The following LAMA2 variants were observed in gnomAD, a reference collection of about 807,000 sequenced individuals.
The protein encoded by LAMA2 is laminin subunit alpha 2, also known as laminin subunit alpha-2.
LAMA2 carries 269 observed loss-of-function variants against 364.8 expected under a neutral mutation model. The observed-to-expected ratio is 0.74, with a 90% CI of 0.67 to 0.82. The LOEUF is 0.82. Among genes scored for constraint, LAMA2 ranks in the 40% least tolerant of loss-of-function variants. The pLI, the probability that LAMA2 is intolerant of heterozygous loss-of-function variation, is 0.00. For missense variants in LAMA2, 3,807 were observed against 3,873.2 expected, an observed-to-expected ratio of 0.98 and a Z score of 0.45; for synonymous variants, 1,379 against 1,370.6, an observed-to-expected ratio of 1.01 and a Z score of -0.14.
intron 10 of LAMA2, among the ~76,000 whole-genome samples, chr6:129,184,891 T>C (rs1781140240): frequency 6.6e-6 from 1 of 151,984 alleles, no homozygotes; most frequent in Non-Finnish European, 1.5e-5. Context: ...GTTTATGTAT[T>C]TCCTTCTCCC....
chr6:129,365,585 A>G (rs1228070685), intron 32 of LAMA2, among the ~76,000 whole-genome samples: 1 of 148,788 alleles, frequency 6.7e-6, no homozygotes, highest in East Asian at 2.0e-4. Context: ...CTGGTCTTGA[A>G]CTCCTGACCT....
chr6:129,188,895 G>T (rs1020323389), intron 10 of LAMA2, among the ~76,000 whole-genome samples: 1 of 151,780 alleles, frequency 6.6e-6, no homozygotes, highest in African/African-American at 2.4e-5. Context: ...TATGTTCTCA[G>T]ATTTTATCAT....
chr6:129,455,394 G>T (rs11154481), intron 47 of LAMA2, among the ~76,000 whole-genome samples: 65,731 of 151,622 alleles, frequency 0.43, 14,318 homozygotes, highest in South Asian at 0.46. Context: ...ACTTAACCGG[G>T]TTTAAGGACA....
rs1026795409 is a variant in LAMA2 at position 129,214,397 on chromosome 6, A to T, written c.1782+21544A>T. ...GTATTAATTCCTTTTTAAAAACCTA[A>T]TCACCTCTCCAAGGCACCACCTCTC... On this transcript the variant is annotated intron_variant, in intron 12 of 64. Coordinates refer to ENST00000421865, the MANE Select transcript of LAMA2 (RefSeq NM_000426.4). 2.6e-5 allele frequency among the ~76,000 whole-genome samples: 4 copies of T among 152,184 alleles called. No individual in the cohort carries two copies. The South Asian group carries it at 8.3e-4, about 32-fold the overall frequency.
At chr6:129,176,963 T>TC (rs1780632526) in intron 9 of LAMA2, among the ~76,000 whole-genome samples, 1 of 152,120 alleles carries the variant, frequency 6.6e-6, no homozygotes, top group African/African-American at 2.4e-5. Context: ...TGCCTTTTTT[T>TC]CCCTCCTCCT....
chr6:129,337,563 A>C lies in LAMA2; in HGVS notation c.4312-4780A>C, dbSNP rs564566816. Among the ~76,000 whole-genome samples, 4 of 152,268 alleles carry C rather than the reference A, an allele frequency of 2.6e-5. 1 individual carries two copies. In the South Asian group the frequency reaches 8.3e-4, roughly 32 times the overall value. On this transcript the variant is annotated intron_variant, in intron 29 of 64. Transcript: ENST00000421865. Reference sequence around the variant, plus strand: ...TATGCAAGACGAAAAAAGCTGTCTTATAAGAATTCATGCATTTAATGATAT... The same window carrying C: ...TATGCAAGACGAAAAAAGCTGTCTTCTAAGAATTCATGCATTTAATGATAT...
chr6:129,346,486 A>G (rs1562480692), intron 30 of LAMA2, among the ~76,000 whole-genome samples: 2 of 152,094 alleles, frequency 1.3e-5, no homozygotes, highest in South Asian at 4.1e-4. Context: ...CAGGAGATGA[A>G]CATTTACTAA....
At chr6:128,934,041 T>C (rs1779660139) in intron 1 of LAMA2, among the ~76,000 whole-genome samples, 1 of 152,204 alleles carries the variant, frequency 6.6e-6, no homozygotes, top group Non-Finnish European at 1.5e-5. Context: ...CTTTTCTTTA[T>C]ATTTATTTTA....
intron 12 of LAMA2, among the ~76,000 whole-genome samples, chr6:129,249,275 A>G (rs1786001206): frequency 1.3e-5 from 2 of 152,132 alleles, no homozygotes; most frequent in Admixed American, 6.6e-5. Context: ...GAATATCTCT[A>G]TTTACAGTGC....
rs1656004107 is a variant in LAMA2, at chr6:129,393,038, G to GT, written c.5235-5dup. The GT allele has an allele frequency of 6.2e-7, 1 of 1,611,916 alleles. No homozygotes were observed. Among genetic ancestry groups the GT allele is most frequent in the African/African-American group, 1.3e-5 (1 of 74,858 alleles). ...ATTGTCTATTATTGGGCTGGGGGTG[G>GT]TTACAGAGCTGCAGAAGCCCTTCTG... is the stretch of plus-strand genomic sequence containing the variant. On this transcript the variant is annotated splice_polypyrimidine_tract_variant and splice_region_variant and intron_variant, in intron 36 of 64. Transcript: ENST00000421865.
At chr6:129,257,191 A>G in intron 14 of LAMA2, among the ~76,000 whole-genome samples, 1 of 152,030 alleles carries the variant, frequency 6.6e-6, no homozygotes, top group East Asian at 1.9e-4. Context: ...ATATCAAGAG[A>G]ATGACCATAC....
At chr6:129,209,239 C>T (rs1048707180) in intron 12 of LAMA2, among the ~76,000 whole-genome samples, 2 of 152,082 alleles carry the variant, frequency 1.3e-5, no homozygotes, top group Non-Finnish European at 2.9e-5. Flanking sequence ...AAGACAAGTA[C>T]AGGGATGAAA....
chr6:128,989,357 T>C (rs1783461435), intron 1 of LAMA2, among the ~76,000 whole-genome samples: 1 of 152,236 alleles, frequency 6.6e-6, no homozygotes, highest in South Asian at 2.1e-4. Flanking sequence ...AAATCATGCA[T>C]GCTCCTCACA....
chr6:129,274,196 G>A (rs1224381350), intron 17 of LAMA2, among the ~76,000 whole-genome samples: 2 of 151,624 alleles, frequency 1.3e-5, no homozygotes, highest in East Asian at 3.9e-4. Context: ...TGGTTTAGTT[G>A]CACAACTGTG....
chr6:129,502,917 AT>A, intron 59 of LAMA2, 146 bp downstream of exon 59: 1 of 875,082 alleles, frequency 1.1e-6, no homozygotes, highest in Non-Finnish European at 1.9e-6. Context: ...ATAGAATTTT[AT>A]TTGTCTGAGC....
At chr6:129,084,745 T>G (rs1774271852) in intron 3 of LAMA2, among the ~76,000 whole-genome samples, 1 of 152,160 alleles carries the variant, frequency 6.6e-6, no homozygotes, top group South Asian at 2.1e-4. Context: ...AACCCTGGGA[T>G]AAGGAAAAGT....
intron 50 of LAMA2, 71 bp from the exon 51 acceptor site, chr6:129,465,074 C>T (rs1783471364): frequency 4.7e-6 from 6 of 1,280,932 alleles, no homozygotes; most frequent in African/African-American, 1.5e-5. Flanking sequence ...ACATAAACCA[C>T]ACAAGAAAAG....
At chr6:129,066,226 T>C (rs951968348) in intron 3 of LAMA2, among the ~76,000 whole-genome samples, 2 of 149,590 alleles carry the variant, frequency 1.3e-5, no homozygotes, top group East Asian at 2.0e-4. Flanking sequence ...TTTGTATTTT[T>C]AGTAGAGACG....
intron 40 of LAMA2, 41 bp from the exon 41 acceptor site, chr6:129,427,711 C>G: frequency 6.9e-7 from 1 of 1,439,306 alleles, no homozygotes; most frequent in Non-Finnish European, 9.8e-7. Flanking sequence ...CTCCATTATT[C>G]TATGGTTTTA....
Sources: gnomAD v4.1 joint callset for allele counts (sites outside exome capture counted in the v4.1 genomes callset) on GRCh38, gnomAD v4.1.1 for gene constraint, MANE v1.5 for transcripts, NCBI Gene and HGNC (gene_info 2026-07-23, HGNC 2026-07-21) for gene names.